Variants in SPHKAP observed in about 807,000 individuals in gnomAD.
SPHKAP encodes A-kinase anchor protein SPHKAP.
In SPHKAP, 67 loss-of-function variants were observed where a neutral mutation model predicts 137.5. That is an observed-to-expected ratio of 0.49 (90% CI 0.40 to 0.60). The LOEUF is 0.60. Among genes scored for constraint, SPHKAP ranks in the 20% least tolerant of loss-of-function variants. The probability of loss-of-function intolerance (pLI) is 0.00; values close to 1 mark genes in which losing one functional copy is unlikely to be tolerated. For synonymous variants in SPHKAP, 813 were observed against 785.3 expected, an observed-to-expected ratio of 1.04 and a Z score of -0.59; for missense variants, 2,097 against 2,069.3, an observed-to-expected ratio of 1.01 and a Z score of -0.26.
chr2:228,169,724 G>A (rs1030646770), intron 1 of SPHKAP: 1 of 151,946 alleles, frequency 6.6e-6, no homozygotes, highest in South Asian at 2.1e-4. Flanking sequence ...CAAGTCTTAT[G>A]ATTTAAAAAG....
At chr2:228,154,773 A>T (rs2106404856) in intron 1 of SPHKAP, among the ~76,000 whole-genome samples, 1 of 139,782 alleles carries the variant, frequency 7.2e-6, no homozygotes, top group South Asian at 2.3e-4. Context: ...GTTAGCCAGG[A>T]TGGTCTCTAT....
chr2:228,144,563 AT>A (rs1699713304), intron 1 of SPHKAP, among the ~76,000 whole-genome samples: 1 of 151,852 alleles, frequency 6.6e-6, no homozygotes, highest in Admixed American at 6.6e-5. Flanking sequence ...TTTTTTATAT[AT>A]TTAATATATA....
At chr2:228,006,777 A>T (rs534614398) in intron 7 of SPHKAP, among the ~76,000 whole-genome samples, 15 of 152,268 alleles carry the variant, frequency 9.9e-5, no homozygotes, top group African/African-American at 3.6e-4. Context: ...CCTCAGCTGC[A>T]GGTCTGTTGG....
At chr2:228,059,476 A>T (rs979252688) in intron 3 of SPHKAP, among the ~76,000 whole-genome samples, 4 of 152,342 alleles carry the variant, frequency 2.6e-5, no homozygotes, top group Non-Finnish European at 4.4e-5. Context: ...CTTGCAGAGG[A>T]TACTGCATGG....
At chr2:228,057,856 G>A (rs1696500291) in intron 3 of SPHKAP, among the ~76,000 whole-genome samples, 1 of 152,132 alleles carries the variant, frequency 6.6e-6, no homozygotes, top group Non-Finnish European at 1.5e-5. Context: ...GGAAGCCAAT[G>A]AGAAGAAAGG....
intron 7 of SPHKAP, among the ~76,000 whole-genome samples, chr2:228,004,275 C>T (rs182366146): frequency 4.1e-4 from 63 of 152,198 alleles, no homozygotes; most frequent in African/African-American, 1.4e-3. Context: ...CAACTTCTTC[C>T]TGGTTTAGTC....
intron 3 of SPHKAP, among the ~76,000 whole-genome samples, chr2:228,043,852 C>T (rs1695937763): frequency 6.6e-6 from 1 of 151,986 alleles, no homozygotes. Context: ...AGTAATAAAA[C>T]ATAATAACAT....
chr2:228,105,513 TAGG>T (rs1192372503), intron 3 of SPHKAP, among the ~76,000 whole-genome samples: 6 of 152,374 alleles, frequency 3.9e-5, no homozygotes, highest in African/African-American at 1.2e-4. Context: ...TATTGTTTGA[TAGG>T]AGACTTTAAT....
chr2:228,153,858 C>T (rs1347917474), intron 1 of SPHKAP, among the ~76,000 whole-genome samples: 1 of 152,030 alleles, frequency 6.6e-6, no homozygotes, highest in African/African-American at 2.4e-5. Flanking sequence ...AGGACAGCGC[C>T]AGCGGGCTTA....
chr2:228,060,826 G>A (rs1407740293), intron 3 of SPHKAP, among the ~76,000 whole-genome samples: 3 of 152,132 alleles, frequency 2.0e-5, no homozygotes, highest in African/African-American at 7.2e-5. Flanking sequence ...GGAGAGGTGA[G>A]GTTTTTCTTA....
intron 3 of SPHKAP, among the ~76,000 whole-genome samples, chr2:228,050,752 C>A (rs1696226211): frequency 6.6e-6 from 1 of 152,170 alleles, no homozygotes; most frequent in African/African-American, 2.4e-5. Flanking sequence ...TCTAAGTGAT[C>A]TAAGTGTATA....
In SPHKAP at chr2:228,016,933, A is replaced by G. The variant is rs1694624752; in HGVS notation, c.3921T>C (p.His1307=). ...GTDHITNMLI[H]ETWASSIEAL... is the part of the protein sequence containing the mutation. ...CCTCAATGGAGCTAGCCCACGTTTC[A>G]TGAATTAACATGTTGGTGATGTGGT... The change falls in exon 7 of 12, where the codon CAT becomes CAC. Residue 1307 remains histidine, a synonymous_variant. Transcript: ENST00000392056. 4.3e-6 allele frequency: 7 copies of G among 1,614,152 alleles called. No homozygotes were observed. Among genetic ancestry groups the G allele is most frequent in the South Asian group, 3.3e-5 (3 of 91,072 alleles).
intron 2 of SPHKAP, among the ~76,000 whole-genome samples, chr2:228,128,696 T>C (rs925836764): frequency 1.3e-5 from 2 of 152,198 alleles, no homozygotes; most frequent in Non-Finnish European, 2.9e-5. Flanking sequence ...TACTCCTTGA[T>C]TCATGGGCTG....
At chr2:228,115,177 T>C (rs1698667809) in intron 2 of SPHKAP, among the ~76,000 whole-genome samples, 1 of 152,094 alleles carries the variant, frequency 6.6e-6, no homozygotes, top group African/African-American at 2.4e-5. Context: ...TTTCCTTATC[T>C]CCTTATCGTT....
At chr2:228,041,512 G>A (rs1695838906) in intron 3 of SPHKAP, among the ~76,000 whole-genome samples, 1 of 151,904 alleles carries the variant, frequency 6.6e-6, no homozygotes, top group African/African-American at 2.4e-5. Context: ...AGGCGTGGTG[G>A]TGCGTGCCTG....
chr2:228,108,766 A>C (rs1574856575), intron 3 of SPHKAP, 66 bp downstream of exon 3: 1 of 1,129,244 alleles, frequency 8.9e-7, no homozygotes, highest in East Asian at 2.5e-5. Flanking sequence ...TTTGGTCCTA[A>C]ACATGGGTAC....
chr2:228,156,682 T>A (rs138781074), intron 1 of SPHKAP, among the ~76,000 whole-genome samples: 67 of 152,298 alleles, frequency 4.4e-4, no homozygotes, highest in African/African-American at 1.5e-3. Flanking sequence ...TATAATTCCC[T>A]TGTGTTGTGG....
Position 228,024,845 on chromosome 2 carries a change from G to A in SPHKAP, c.441+549C>T, listed in dbSNP as rs184441579. Among the ~76,000 whole-genome samples, 455 of 152,134 alleles carry A rather than the reference G, an allele frequency of 3.0e-3. 7 individuals carry two copies. Among genetic ancestry groups the A allele is most frequent in the Admixed American group, 5.6e-3 (86 of 15,266 alleles). The stretch of plus-strand genomic sequence containing the variant: ...ATAATAGGAATGAACATGAGTGCAC[G>A]GAATGATAATAGTAGTATTTTAGTT... On this transcript the variant is annotated intron_variant, in intron 5 of 11. Transcript: ENST00000392056.
chr2:228,092,264 TAC>T lies in SPHKAP; in HGVS notation c.246+16566_246+16567del, dbSNP rs374208825. Among the ~76,000 whole-genome samples the T allele has an allele frequency of 8.9e-3, 1,285 of 144,152 alleles. 27 individuals carry two copies. The highest frequency in any genetic ancestry group is 0.028 in the African/African-American group (1,085 of 38,172). 94.6% of individuals were successfully genotyped at this position (144,152 alleles called of 152,430 possible). On this transcript the variant is annotated intron_variant, in intron 3 of 11. Transcript: ENST00000392056. The stretch of plus-strand genomic sequence containing the variant: ...ACACACGTGTATATGTGTGTATACG[TAC>T]ACACACACGTGTATGTGCGTGTATA...
Sources: allele counts gnomAD v4.1 joint callset (sites outside exome capture counted in the v4.1 genomes callset), GRCh38; gene constraint gnomAD v4.1.1; transcripts MANE v1.5; gene names NCBI Gene and HGNC (gene_info 2026-07-23, HGNC 2026-07-21).